CCSER1: variants seen among roughly 807,000 people sequenced by gnomAD.
CCSER1 encodes coiled-coil serine rich protein 1.
A neutral mutation model predicts 82.0 loss-of-function variants in CCSER1; 41 were observed. The ratio of observed to expected loss-of-function variants is 0.50; its 90% CI spans 0.39 to 0.65. The LOEUF is 0.65. Ranked by LOEUF, CCSER1 falls within the 30% of genes least tolerant of loss-of-function variation. CCSER1 has a pLI of 0.00. For missense variants in CCSER1, 1,119 were observed against 1,064.2 expected, an observed-to-expected ratio of 1.05 and a Z score of -0.72; for synonymous variants, 414 against 383.9, an observed-to-expected ratio of 1.08 and a Z score of -0.92.
At chr4:90,704,802 C>A (rs925386320) in intron 6 of CCSER1, among the ~76,000 whole-genome samples, 1 of 152,202 alleles carries the variant, frequency 6.6e-6, no homozygotes, top group African/African-American at 2.4e-5. Flanking sequence ...ACGTAGTTCT[C>A]ATGGCATGGT....
intron 7 of CCSER1, among the ~76,000 whole-genome samples, chr4:90,762,362 A>G (rs898726946): frequency 3.9e-5 from 6 of 152,142 alleles, no homozygotes; most frequent in East Asian, 3.9e-4. Flanking sequence ...TTGTGAGTCA[A>G]TTAAACCTGT....
At chr4:91,478,212 A>G (rs182660415) in intron 10 of CCSER1, among the ~76,000 whole-genome samples, 26 of 152,066 alleles carry the variant, frequency 1.7e-4, no homozygotes, top group African/African-American at 6.0e-4. Context: ...AATTATTTCT[A>G]TAAAATATAA....
intron 1 of CCSER1, among the ~76,000 whole-genome samples, chr4:90,137,032 C>G (rs1427789716): frequency 6.6e-6 from 1 of 152,114 alleles, no homozygotes; most frequent in African/African-American, 2.4e-5. Flanking sequence ...AGGAATGTTA[C>G]CTAGTGCACA....
chr4:91,503,806 A>G (rs1310315733), intron 10 of CCSER1, among the ~76,000 whole-genome samples: 1 of 152,230 alleles, frequency 6.6e-6, no homozygotes, highest in African/African-American at 2.4e-5. Flanking sequence ...AAAGGTTGCT[A>G]TAACATAAAG....
chr4:90,974,215 C>T (rs960504324), intron 9 of CCSER1, among the ~76,000 whole-genome samples: 2 of 151,350 alleles, frequency 1.3e-5, no homozygotes, highest in African/African-American at 4.9e-5. Context: ...TAAGTGTTCT[C>T]AATATCTACA....
At chr4:91,594,272 C>CATAT (rs371669359) in intron 10 of CCSER1, among the ~76,000 whole-genome samples, 8 of 148,240 alleles carry the variant, frequency 5.4e-5, no homozygotes, top group South Asian at 2.1e-4. Flanking sequence ...CAACCAAATC[C>CATAT]ATATATATAT....
rs59376887 is a variant in CCSER1 at position 90,478,731 on chromosome 4, C to CTT, written c.1724+10394_1724+10395dup. ...AGAATAAATTGTACTTTCTTTCTTT[C>CTT]TTTTTTTTTTTTTTTTTTATTTTTT... On this transcript the variant is annotated intron_variant, in intron 5 of 10. Coordinates refer to ENST00000509176, the MANE Select transcript of CCSER1 (RefSeq NM_001145065.2). 3.1e-3 allele frequency among the ~76,000 whole-genome samples: 415 copies of CTT among 133,218 alleles called. 2 individuals carry two copies. The highest frequency in any genetic ancestry group is 4.0e-3 in the Non-Finnish European group (244 of 61,618). 87.4% of individuals were successfully genotyped at this position (133,218 alleles called of 152,430 possible).
chr4:90,239,711 T>C (rs979934227), intron 1 of CCSER1, among the ~76,000 whole-genome samples: 1 of 152,074 alleles, frequency 6.6e-6, no homozygotes, highest in African/African-American at 2.4e-5. Context: ...ACGCCTGGTC[T>C]CAAGTGACTC....
intron 10 of CCSER1, among the ~76,000 whole-genome samples, chr4:91,377,395 A>G (rs1750509176): frequency 6.6e-6 from 1 of 152,078 alleles, no homozygotes; most frequent in Non-Finnish European, 1.5e-5. Context: ...ATTTCTCTAC[A>G]TCCTCTCCAG....
chr4:90,908,024 G>GT (rs1181684781), intron 8 of CCSER1, among the ~76,000 whole-genome samples: 1 of 152,076 alleles, frequency 6.6e-6, no homozygotes, highest in Admixed American at 6.6e-5. Flanking sequence ...AGTATCTAGA[G>GT]TGTGCCTAAA....
chr4:90,760,368 T>G (rs1289932089), intron 7 of CCSER1, among the ~76,000 whole-genome samples: 1 of 152,020 alleles, frequency 6.6e-6, no homozygotes, highest in African/African-American at 2.4e-5. Flanking sequence ...TATTTTCCTG[T>G]CATATAAAAT....
chr4:91,275,042 C>T (rs1433935523), intron 10 of CCSER1, among the ~76,000 whole-genome samples: 2 of 151,738 alleles, frequency 1.3e-5, no homozygotes, highest in Non-Finnish European at 2.9e-5. Context: ...GGAGGCAGAG[C>T]TTGCAGTGAG....
chr4:91,408,497 TTA>T (rs1445558433), intron 10 of CCSER1, among the ~76,000 whole-genome samples: 2 of 152,212 alleles, frequency 1.3e-5, no homozygotes, highest in Admixed American at 1.3e-4. Flanking sequence ...TAAAATATTT[TTA>T]TCATTTCCTA....
At chr4:91,231,242 G>A (rs1429006757) in intron 10 of CCSER1, among the ~76,000 whole-genome samples, 2 of 151,718 alleles carry the variant, frequency 1.3e-5, no homozygotes, top group East Asian at 1.9e-4. Flanking sequence ...ATAAAAGATG[G>A]CTTAGCTCCA....
chr4:90,604,038 T>C (rs1325165073), intron 5 of CCSER1, among the ~76,000 whole-genome samples: 2 of 152,176 alleles, frequency 1.3e-5, no homozygotes, highest in African/African-American at 4.8e-5. Flanking sequence ...TCAGGTCTTA[T>C]GCCAGCAGCT....
At chr4:91,043,914 C>A (rs184481960) in intron 9 of CCSER1, among the ~76,000 whole-genome samples, 1 of 152,110 alleles carries the variant, frequency 6.6e-6, no homozygotes, top group Non-Finnish European at 1.5e-5. Flanking sequence ...AAGCTGGATT[C>A]AAGAAGACAG....
Position 91,351,004 on chromosome 4 carries a change from TTACA to T in CCSER1, c.2218-247566_2218-247563del, listed in dbSNP as rs1314806557. On this transcript the variant is annotated intron_variant, in intron 10 of 10. Transcript: ENST00000509176. ...TTTTTGAGGGGCTTTAATTTGGGTC[TTACA>T]TGCATGTATTTATTTGTACTCTACC... 5.3e-5 allele frequency among the ~76,000 whole-genome samples: 8 copies of T among 152,110 alleles called. No individual in the cohort carries two copies. In the South Asian group the frequency reaches 1.5e-3, roughly 28 times the overall value.
At chr4:91,535,562 TGTG>T (rs1761256341) in intron 10 of CCSER1, among the ~76,000 whole-genome samples, 1 of 152,120 alleles carries the variant, frequency 6.6e-6, no homozygotes, top group Non-Finnish European at 1.5e-5. Flanking sequence ...TTTGGGAACA[TGTG>T]GTTATAAGCA....
At chr4:90,765,935 T>C (rs1751153018) in intron 7 of CCSER1, among the ~76,000 whole-genome samples, 1 of 152,074 alleles carries the variant, frequency 6.6e-6, no homozygotes, top group Non-Finnish European at 1.5e-5. Context: ...CATGACCTGT[T>C]TGAGAATTTT....
Sources: gnomAD v4.1 joint callset for allele counts (sites outside exome capture counted in the v4.1 genomes callset) on GRCh38, gnomAD v4.1.1 for gene constraint, MANE v1.5 for transcripts, NCBI Gene and HGNC (gene_info 2026-07-23, HGNC 2026-07-21) for gene names.